ATXN1: variants seen among roughly 807,000 people sequenced by gnomAD.
ATXN1 encodes the protein ataxin 1, also known as ataxin-1.
A neutral mutation model predicts 56.4 loss-of-function variants in ATXN1; 8 were observed. That is an observed-to-expected ratio of 0.14 (90% CI 0.08 to 0.26). ATXN1 has a LOEUF of 0.26. Among genes scored for constraint, ATXN1 ranks in the 10% least tolerant of loss-of-function variants. The probability of loss-of-function intolerance (pLI) is 1.00; values close to 1 mark genes in which losing one functional copy is unlikely to be tolerated. For synonymous variants in ATXN1, 514 were observed against 494.6 expected, an observed-to-expected ratio of 1.04 and a Z score of -0.52; for missense variants, 987 against 1,106.5, an observed-to-expected ratio of 0.89 and a Z score of 1.53.
chr6:16,434,342 G>A (rs1393930298), intron 6 of ATXN1, among the ~76,000 whole-genome samples: 1 of 152,112 alleles, frequency 6.6e-6, no homozygotes, highest in Admixed American at 6.6e-5. Flanking sequence ...AGCCTCCGTT[G>A]GCATGGATGG....
At chr6:16,321,220 T>C (rs1006741549) in intron 7 of ATXN1, among the ~76,000 whole-genome samples, 5 of 152,222 alleles carry the variant, frequency 3.3e-5, no homozygotes, top group African/African-American at 1.2e-4. Context: ...TTGAGTTGCA[T>C]TGGCTCCCAC....
chr6:16,343,237 C>A (rs928156785), intron 6 of ATXN1, among the ~76,000 whole-genome samples: 1 of 151,922 alleles, frequency 6.6e-6, no homozygotes, highest in South Asian at 2.1e-4. Context: ...CCCAGCTACT[C>A]GAGAGGCTGA....
intron 5 of ATXN1, among the ~76,000 whole-genome samples, chr6:16,494,595 A>G (rs563807410): frequency 6.6e-6 from 1 of 152,334 alleles, no homozygotes; most frequent in South Asian, 2.1e-4. Flanking sequence ...TGCTGTGTGT[A>G]TTTGTATGCA....
intron 6 of ATXN1, among the ~76,000 whole-genome samples, chr6:16,386,497 A>G (rs1758243082): frequency 6.6e-6 from 1 of 152,218 alleles, no homozygotes; most frequent in South Asian, 2.1e-4. Context: ...CTTTTACATG[A>G]AAGAAATGCA....
intron 5 of ATXN1, among the ~76,000 whole-genome samples, chr6:16,520,029 G>A (rs1320783159): frequency 2.6e-5 from 4 of 152,170 alleles, no homozygotes; most frequent in Admixed American, 2.0e-4. Flanking sequence ...TATGTTTTCT[G>A]GCAGCACAGT....
intron 4 of ATXN1, among the ~76,000 whole-genome samples, chr6:16,553,053 GCT>G (rs544725616): frequency 3.5e-4 from 54 of 152,306 alleles, no homozygotes; most frequent in African/African-American, 9.6e-4. Context: ...TTCAAATTCC[GCT>G]TTCGTTCAGG....
intron 6 of ATXN1, among the ~76,000 whole-genome samples, chr6:16,356,270 C>T (rs1761687161): frequency 6.6e-6 from 1 of 152,172 alleles, no homozygotes; most frequent in East Asian, 1.9e-4. Flanking sequence ...TTTTCTTCCT[C>T]CTCCCTGCTT....
intron 6 of ATXN1, chr6:16,432,836 T>G (rs769253554): frequency 6.6e-6 from 1 of 152,166 alleles, no homozygotes; most frequent in Non-Finnish European, 1.5e-5. Context: ...AGCCTGCCAA[T>G]GTCTGGGCTG....
chr6:16,482,423 A>G (rs180806966), intron 6 of ATXN1, among the ~76,000 whole-genome samples: 5 of 152,350 alleles, frequency 3.3e-5, no homozygotes, highest in Admixed American at 2.0e-4. Context: ...GCTTAAAAGA[A>G]AAACACAGAA....
chr6:16,346,398 G>A (rs2113450028), intron 6 of ATXN1, among the ~76,000 whole-genome samples: 1 of 152,282 alleles, frequency 6.6e-6, no homozygotes, highest in African/African-American at 2.4e-5. Flanking sequence ...TTTAGGGGCT[G>A]GGAAGATGGG....
chr6:16,366,598 T>C lies in ATXN1; in HGVS notation c.-160-38128A>G, dbSNP rs564461491. Among the ~76,000 whole-genome samples the C allele has an allele frequency of 1.1e-4, 17 of 151,980 alleles. No individual in the cohort carries two copies. The South Asian group carries it at 3.5e-3, about 32-fold the overall frequency. ...GTGTTGGAGACCAGACTAGCCAACATATTGAAACCCCTTCTCTATTAAAAA... is the reference window on the plus strand; with the variant it reads ...GTGTTGGAGACCAGACTAGCCAACACATTGAAACCCCTTCTCTATTAAAAA... On this transcript the variant is annotated intron_variant, in intron 6 of 7. Transcript: ENST00000436367.
intron 6 of ATXN1, among the ~76,000 whole-genome samples, chr6:16,392,992 T>C (rs1248338643): frequency 6.6e-6 from 1 of 152,228 alleles, no homozygotes; most frequent in Non-Finnish European, 1.5e-5. Flanking sequence ...AGAGGTCACA[T>C]GGCTCCCCTT....
In ATXN1 at chr6:16,752,479, T is replaced by C. The variant is rs565587725; in HGVS notation, c.-615+754A>G. 3.9e-5 allele frequency among the ~76,000 whole-genome samples: 6 copies of C among 152,268 alleles called. No homozygotes were observed. In the South Asian group the frequency reaches 1.0e-3, roughly 26 times the overall value. On this transcript the variant is annotated intron_variant, in intron 2 of 7. Coordinates refer to ENST00000436367, the MANE Select transcript of ATXN1 (RefSeq NM_001128164.2). ...CCAGGCTTGGGAACCTCTAATCTAGTCTGTCTTCACAGTTTCAAGCAGGTC... is the reference window on the plus strand; with the variant it reads ...CCAGGCTTGGGAACCTCTAATCTAGCCTGTCTTCACAGTTTCAAGCAGGTC...
Position 16,616,199 on chromosome 6 carries a change from G to C in ATXN1, c.-488-30292C>G, listed in dbSNP as rs189681992. ...TATTGGAAATGTTATTGTCTACTTA[G>C]AATATCTAAGGGAATTAGCTGAAAG... On this transcript the variant is annotated intron_variant, in intron 3 of 7. Coordinates refer to ENST00000436367, the MANE Select transcript of ATXN1 (RefSeq NM_001128164.2). 1.2e-4 allele frequency: 18 copies of C among 152,182 alleles called. 1 individual carries two copies. The East Asian group carries it at 3.5e-3, about 29-fold the overall frequency. 9.4% of individuals were successfully genotyped at this position (152,182 alleles called of 1,614,324 possible).
chr6:16,594,121 AAT>A (rs1056506178), intron 3 of ATXN1, among the ~76,000 whole-genome samples: 2 of 147,234 alleles, frequency 1.4e-5, no homozygotes, highest in South Asian at 4.3e-4. Flanking sequence ...TAGTCTAATT[AAT>A]ATATATATTA....
At chr6:16,337,733 G>T (rs966503722) in intron 6 of ATXN1, among the ~76,000 whole-genome samples, 4 of 152,230 alleles carry the variant, frequency 2.6e-5, no homozygotes, top group Non-Finnish European at 4.4e-5. Flanking sequence ...CTGGTTGAAG[G>T]CTGGGAACAG....
intron 7 of ATXN1, among the ~76,000 whole-genome samples, chr6:16,313,560 T>C (rs1249540315): frequency 1.4e-5 from 2 of 147,568 alleles, no homozygotes; most frequent in African/African-American, 4.9e-5. Context: ...TTAATGGAAT[T>C]TTTTTTTTTT....
At chr6:16,318,716 T>C (rs1760572274) in intron 7 of ATXN1, among the ~76,000 whole-genome samples, 1 of 152,200 alleles carries the variant, frequency 6.6e-6, no homozygotes, top group Non-Finnish European at 1.5e-5. Flanking sequence ...CCGGGACGCC[T>C]CCTAACACAA....
intron 2 of ATXN1, among the ~76,000 whole-genome samples, chr6:16,741,767 GT>G (rs1760347521): frequency 1.3e-5 from 2 of 152,182 alleles, no homozygotes; most frequent in Non-Finnish European, 2.9e-5. Context: ...TTTTAATGTT[GT>G]TTATTACTCA....
Sources: gnomAD v4.1 joint callset for allele counts (sites outside exome capture counted in the v4.1 genomes callset) on GRCh38, gnomAD v4.1.1 for gene constraint, MANE v1.5 for transcripts, NCBI Gene and HGNC (gene_info 2026-07-23, HGNC 2026-07-21) for gene names.